The following TGFBR2 variants were observed in gnomAD, a reference collection of about 807,000 sequenced individuals.
TGFBR2 encodes TGF-beta receptor type-2.
In TGFBR2, 18 loss-of-function variants were observed where a neutral mutation model predicts 49.0. The ratio of observed to expected loss-of-function variants is 0.37; its 90% CI spans 0.25 to 0.54. The LOEUF (loss-of-function observed/expected upper bound fraction) is 0.54. Ranked by LOEUF, TGFBR2 falls within the 20% of genes least tolerant of loss-of-function variation. The probability of loss-of-function intolerance (pLI) is 0.85; values close to 1 mark genes in which losing one functional copy is unlikely to be tolerated. For synonymous variants in TGFBR2, 282 were observed against 275.9 expected (o/e 1.02, Z -0.22); for missense variants, 525 against 722.6 (o/e 0.73, Z 3.13).
At chr3:30,631,135 G>T (rs1698429392) in intron 1 of TGFBR2, among the ~76,000 whole-genome samples, 1 of 150,778 alleles carries the variant, frequency 6.6e-6, no homozygotes, top group Non-Finnish European at 1.5e-5. Context: ...CTGTCTCCTG[G>T]GTTCAAGTGA....
At position 30,606,762 on chromosome 3, in the gene TGFBR2, T is replaced by G. The variant is rs1040386724; in HGVS notation, c.-122T>G. ...GCGGGCGCCACATCTGGCCCGCACA[T>G]CTGCGCTGCCGGCCCGGCGCGGGGT... is the stretch of plus-strand genomic sequence containing the variant. On this transcript the variant is annotated 5_prime_UTR_variant, in exon 1 of 7. Transcript: ENST00000295754. The G allele has an allele frequency of 1.3e-4, 93 of 695,494 alleles. 1 individual carries two copies. The highest frequency in any genetic ancestry group is 1.8e-4 in the Non-Finnish European group (86 of 486,520). The allele number at this position is 695,494 out of a possible 1,614,324, so 43.1% of individuals were successfully genotyped here.
chr3:30,649,825 T>C lies in TGFBR2; in HGVS notation c.264-445T>C, dbSNP rs544972199. ...GCATGCTCTTTGAAAACAGTATAGCTAGACAGGACAGATTTTGCCACTTAA... is the reference window on the plus strand; with the variant it reads ...GCATGCTCTTTGAAAACAGTATAGCCAGACAGGACAGATTTTGCCACTTAA... On this transcript the variant is annotated intron_variant, in intron 2 of 6. Transcript: ENST00000295754. Among the ~76,000 whole-genome samples, 11 of 152,316 alleles carry C rather than the reference T, an allele frequency of 7.2e-5. No individual in the cohort carries two copies. The South Asian group carries it at 2.1e-3, about 29-fold the overall frequency.
intron 2 of TGFBR2, among the ~76,000 whole-genome samples, chr3:30,648,649 T>G (rs1381605987): frequency 6.6e-6 from 1 of 152,170 alleles, no homozygotes; most frequent in African/African-American, 2.4e-5. Context: ...ATTATTCTGC[T>G]TGTCACTCTT....
intron 2 of TGFBR2, among the ~76,000 whole-genome samples, chr3:30,647,078 C>T (rs1327804919): frequency 3.3e-5 from 5 of 152,086 alleles, no homozygotes; most frequent in African/African-American, 2.4e-5. Flanking sequence ...TAGTGCCCTC[C>T]TTGATCCTCC....
In TGFBR2 at chr3:30,693,375, A is replaced by G. The variant is rs1232135038; in HGVS notation, c.*1776A>G. On this transcript the variant is annotated 3_prime_UTR_variant, in exon 7 of 7. Coordinates refer to ENST00000295754, the MANE Select transcript of TGFBR2 (RefSeq NM_003242.6). ...AACAAAGTATGAGCTTTAAAACTCC[A>G]TAGGAAACTTGTTAATCAACAAAGA... is the stretch of plus-strand genomic sequence containing the variant. 1 of 233,792 alleles carries G rather than the reference A, an allele frequency of 4.3e-6. No individual in the cohort carries two copies. The highest frequency in any genetic ancestry group is 2.2e-5 in the African/African-American group (1 of 45,478). 14.5% of individuals were successfully genotyped at this position (233,792 alleles called of 1,614,324 possible).
At chr3:30,634,256 T>C (rs923445923) in intron 1 of TGFBR2, among the ~76,000 whole-genome samples, 3 of 152,202 alleles carry the variant, frequency 2.0e-5, no homozygotes, top group African/African-American at 7.2e-5. Flanking sequence ...CACTATCTTT[T>C]AAAAATCTGT....
In TGFBR2 at chr3:30,672,641, C is replaced by T. The variant is rs1699364343; in HGVS notation, c.1254+204C>T. 6.6e-6 allele frequency among the ~76,000 whole-genome samples: 1 copy of T among 152,212 alleles called. No individual in the cohort carries two copies. Among genetic ancestry groups the T allele is most frequent in the Non-Finnish European group, 1.5e-5 (1 of 68,044 alleles). ...TTTGCTAATGGACAGCATTTCTCCT[C>T]CTATCTTCAAATCCTTCCCAGTTCA... is the stretch of plus-strand genomic sequence containing the variant. On this transcript the variant is annotated intron_variant, in intron 4 of 6. Transcript: ENST00000295754. This position sits in a 1 kb window ranked among gnomAD's most constrained non-coding sequence, Gnocchi z 4.5.
chr3:30,622,892 A>G (rs1575133696), intron 1 of TGFBR2, among the ~76,000 whole-genome samples: 1 of 145,612 alleles, frequency 6.9e-6, no homozygotes, highest in African/African-American at 2.7e-5. Context: ...AAAAAAAAAA[A>G]AAAAAAAAAA....
chr3:30,636,722 A>C (rs1814357), intron 1 of TGFBR2, among the ~76,000 whole-genome samples: 49,027 of 150,438 alleles, frequency 0.33, 9,045 homozygotes, highest in African/African-American at 0.51. Context: ...ATAAGCATGC[A>C]TGTGTGTGCA....
chr3:30,660,791 T>C (rs1418002373), intron 3 of TGFBR2, among the ~76,000 whole-genome samples: 1 of 152,184 alleles, frequency 6.6e-6, no homozygotes, highest in Non-Finnish European at 1.5e-5. Flanking sequence ...AATTATACGT[T>C]AAAGGAAAGC....
Position 30,650,440 on chromosome 3 carries a change from A to G in TGFBR2, c.434A>G (p.Asp145Gly), listed in dbSNP as rs2125410698. The G allele has an allele frequency of 2.5e-6, 4 of 1,613,904 alleles. No homozygotes were observed. The highest frequency in any genetic ancestry group is 3.4e-6 in the Non-Finnish European group (4 of 1,179,928). Reference sequence around the variant, plus strand: ...TCCTGTAGCTCTGATGAGTGCAATGACAACATCATCTTCTCAGAAGGTGAG... The same window carrying G: ...TCCTGTAGCTCTGATGAGTGCAATGGCAACATCATCTTCTCAGAAGGTGAG... ...MCSCSSDECN[D>G]NIIFSEEYNT... Residue 145 changes from aspartate (D) to glycine (G), a missense_variant, in exon 3 of 7, where the codon GAC becomes GGC. Transcript: ENST00000295754.
intron 6 of TGFBR2, among the ~76,000 whole-genome samples, chr3:30,689,512 T>G (rs547348112): frequency 6.6e-6 from 1 of 152,162 alleles, no homozygotes; most frequent in Non-Finnish European, 1.5e-5. Flanking sequence ...AAACAACAAA[T>G]CAGGCACAAT....
intron 5 of TGFBR2, among the ~76,000 whole-genome samples, chr3:30,687,235 T>G (rs1030061888): frequency 1.3e-5 from 2 of 152,220 alleles, no homozygotes; most frequent in Middle Eastern, 3.2e-3. Context: ...TTTTCTTTAT[T>G]GAATATACCA....
At chr3:30,655,144 C>CT (rs1698971392) in intron 3 of TGFBR2, among the ~76,000 whole-genome samples, 1 of 152,154 alleles carries the variant, frequency 6.6e-6, no homozygotes, top group Non-Finnish European at 1.5e-5. Flanking sequence ...ATGTAAAGTG[C>CT]TTGCAACGTT....
chr3:30,677,917 G>A (rs1304355154), intron 5 of TGFBR2, among the ~76,000 whole-genome samples: 1 of 152,184 alleles, frequency 6.6e-6, no homozygotes. Context: ...CCTGTTTGAT[G>A]TTAGACTTTA....
At chr3:30,688,634 T>G (rs751902866) in intron 6 of TGFBR2, 123 bp downstream of exon 6, 5 of 1,399,888 alleles carry the variant, frequency 3.6e-6, no homozygotes, top group South Asian at 1.2e-5. Flanking sequence ...ATGGCCCTGT[T>G]AAATTTTGTT....
chr3:30,650,774 A>T (rs946288268), intron 3 of TGFBR2, among the ~76,000 whole-genome samples: 11 of 152,190 alleles, frequency 7.2e-5, no homozygotes, highest in African/African-American at 2.7e-4. Context: ...TTATAAATGC[A>T]GATTCTCAGG....
intron 4 of TGFBR2, 88 bp from the exon 5 acceptor site, chr3:30,674,017 C>T (rs1322139915): frequency 1.6e-5 from 25 of 1,521,328 alleles, no homozygotes; most frequent in South Asian, 5.6e-5. Context: ...ATCCTCTGCA[C>T]GTGTCAGGGG....
At chr3:30,645,264 C>A (rs1698710118) in intron 2 of TGFBR2, among the ~76,000 whole-genome samples, 1 of 151,990 alleles carries the variant, frequency 6.6e-6, no homozygotes, top group South Asian at 2.1e-4. Flanking sequence ...TCCTCAGCAC[C>A]CCATAGTGAG....
Sources: allele counts gnomAD v4.1 joint callset (sites outside exome capture counted in the v4.1 genomes callset), GRCh38; gene constraint gnomAD v4.1.1; non-coding constraint Gnocchi (gnomAD v3.1); transcripts MANE v1.5; gene names NCBI Gene and HGNC (gene_info 2026-07-23, HGNC 2026-07-21).